Variants in HNRNPH1 observed in about 807,000 individuals in gnomAD.
HNRNPH1 encodes heterogeneous nuclear ribonucleoprotein H1.
In HNRNPH1, 4 loss-of-function variants were observed where a neutral mutation model predicts 58.6. That is an observed-to-expected ratio of 0.07 (90% confidence interval 0.03 to 0.16). HNRNPH1 has a LOEUF of 0.16. Ranked by LOEUF, HNRNPH1 falls within the 10% of genes least tolerant of loss-of-function variation. The pLI is 1.00. For synonymous variants in HNRNPH1, 192 were observed against 189.2 expected, an observed-to-expected ratio of 1.01 and a Z score of -0.12; for missense variants, 271 against 564.2, an observed-to-expected ratio of 0.48 and a Z score of 5.26.
chr5:179,627,501 T>G (rs1774496714), upstream of HNRNPH1, among the ~76,000 whole-genome samples: 1 of 29,832 alleles, frequency 3.4e-5, no homozygotes, highest in Non-Finnish European at 8.4e-5. Context: ...CGGCCCTGAT[T>G]TATGCCTTTT....
chr5:179,621,194 T>C (rs771882405), intron 2 of HNRNPH1, 48 bp downstream of exon 3: 7 of 1,574,456 alleles, frequency 4.4e-6, no homozygotes, highest in Non-Finnish European at 1.7e-6. Context: ...GTGAGACCTC[T>C]ATTGTTTAAT....
In HNRNPH1 at chr5:179,618,125, C is replaced by A. The variant is rs1770678543; in HGVS notation, c.715+20G>T. 1.2e-6 allele frequency: 2 copies of A among 1,613,354 alleles called. No homozygotes were observed. Among genetic ancestry groups the A allele is most frequent in the East Asian group, 2.2e-5 (1 of 44,892 alleles). On this transcript the variant is annotated intron_variant, in intron 5 of 12. Transcript: ENST00000356731. The stretch of plus-strand genomic sequence containing the variant: ...ACAAAGGAACAGACGACTTGCCGAA[C>A]CTTACGAATCCTCACGTACCTCCAC...
intron 2 of HNRNPH1, among the ~76,000 whole-genome samples, chr5:179,630,637 C>G (rs1011963290): frequency 9.9e-5 from 15 of 151,788 alleles, no homozygotes; most frequent in Non-Finnish European, 1.6e-4. Context: ...TTCGGCCTGA[C>G]GCGGGGGCTC....
intron 1 of HNRNPH1, 120 bp downstream of exon 2, chr5:179,622,917 G>C (rs1298733491): frequency 6.8e-6 from 1 of 146,918 alleles, no homozygotes; most frequent in Non-Finnish European, 1.4e-5. Flanking sequence ...GGGCGCCCCG[G>C]GTCCCACCCG....
intron 3 of HNRNPH1, 71 bp downstream of exon 4, chr5:179,620,821 T>A: frequency 7.1e-7 from 1 of 1,404,750 alleles, no homozygotes; most frequent in Non-Finnish European, 1.0e-6. Context: ...TACTCAACTT[T>A]AACGTCTATT....
At chr5:179,615,928 A>G in intron 11 of HNRNPH1, 198 bp downstream of exon 12, 1 of 548,784 alleles carries the variant, frequency 1.8e-6, no homozygotes, top group Non-Finnish European at 3.3e-6. Flanking sequence ...TAGCTAGTAA[A>G]AACAGTTACA....
At chr5:179,622,782 A>T (rs1352793852) in intron 1 of HNRNPH1, 2 of 152,252 alleles carry the variant, frequency 1.3e-5, no homozygotes, top group Non-Finnish European at 2.9e-5. Flanking sequence ...AAAGTCTGCC[A>T]AACCTGCCGC....
chr5:179,617,415 AG>A, intron 8 of HNRNPH1, 98 bp downstream of exon 9: 1 of 1,343,704 alleles, frequency 7.4e-7, no homozygotes, highest in South Asian at 1.4e-5. Flanking sequence ...ATTACTGGAG[AG>A]GAAACTTCTC....
At chr5:179,631,215 G>A (rs1277493328) in intron 2 of HNRNPH1, among the ~76,000 whole-genome samples, 12 of 152,038 alleles carry the variant, frequency 7.9e-5, no homozygotes, top group African/African-American at 2.7e-4. Flanking sequence ...AAAGATATAC[G>A]TTACGGTATA....
chr5:179,624,494 T>C, exon 1 of HNRNPH1: 1 of 398,748 alleles, frequency 2.5e-6, no homozygotes, highest in Non-Finnish European at 4.4e-6. Flanking sequence ...GAGCGCGGGC[T>C]CCACGGGTGC....
rs768708191 is a variant in HNRNPH1 at position 179,616,228 on chromosome 5, TAAGAA to T, written c.1208-15_1208-11del. 1.2e-6 allele frequency: 2 copies of T among 1,607,922 alleles called. No homozygotes were observed. Among genetic ancestry groups the T allele is most frequent in the African/African-American group, 1.3e-5 (1 of 74,352 alleles). On this transcript the variant is annotated splice_polypyrimidine_tract_variant and intron_variant, in intron 10 of 12. Transcript: ENST00000356731. ...TAGCTGGACTGGTTTGCTGTTAAGTTAAGAAAACATTAGAACCTTTTTTCTTATGT... is the reference window on the plus strand; with the variant it reads ...TAGCTGGACTGGTTTGCTGTTAAGTTAACATTAGAACCTTTTTTCTTATGT...
At chr5:179,618,122 G>C (rs370275246) in intron 5 of HNRNPH1, 23 bp downstream of exon 6, 4 of 1,613,226 alleles carry the variant, frequency 2.5e-6, no homozygotes, top group Non-Finnish European at 3.4e-6. Flanking sequence ...ACGACTTGCC[G>C]AACCTTACGA....
In HNRNPH1 at chr5:179,618,527, A is replaced by AC. The variant is rs1770861714; in HGVS notation, c.537-205_537-204insG. The AC allele has an allele frequency of 6.9e-6, 3 of 434,024 alleles. 1 individual carries two copies. Among genetic ancestry groups the AC allele is most frequent in the South Asian group, 5.3e-5 (1 of 18,982 alleles). 26.9% of individuals were successfully genotyped at this position (434,024 alleles called of 1,614,324 possible). On this transcript the variant is annotated intron_variant, in intron 4 of 12. Transcript: ENST00000356731. Reference sequence around the variant, plus strand: ...AAGACAATGTAAACTTTATAGAAAAAAAAAAAAAACTCACTCCTCTGAGGC... The same window carrying AC: ...AAGACAATGTAAACTTTATAGAAAAACAAAAAAAAACTCACTCCTCTGAGGC...
chr5:179,616,615 C>A, intron 10 of HNRNPH1: 1 of 535,762 alleles, frequency 1.9e-6, no homozygotes, highest in East Asian at 3.1e-5. Context: ...AAACTTTATA[C>A]TTAGAAAATT....
chr5:179,620,735 G>A, intron 3 of HNRNPH1, 157 bp downstream of exon 4: 1 of 631,294 alleles, frequency 1.6e-6, no homozygotes, highest in Non-Finnish European at 2.8e-6. Context: ...TTTAAGATGG[G>A]CTTAAATTAT....
chr5:179,614,964 A>G lies in HNRNPH1; in HGVS notation c.*1-5T>C. 3 of 1,487,530 alleles carry G rather than the reference A, an allele frequency of 2.0e-6. No individual in the cohort carries two copies. Among genetic ancestry groups the G allele is most frequent in the South Asian group, 2.4e-5 (2 of 82,732 alleles). 92.1% of individuals were successfully genotyped at this position (1,487,530 alleles called of 1,614,324 possible). ...TGTTCACTGCTCCTTGGTTACCTGC[A>G]AAGAGATCAATTTGACAAGTTAGGA... is the stretch of plus-strand genomic sequence containing the variant. On this transcript the variant is annotated splice_region_variant and splice_polypyrimidine_tract_variant and intron_variant, in intron 12 of 12. Transcript: ENST00000356731.
exon 13 of HNRNPH1, chr5:179,614,831 G>A (rs536122560): frequency 3.2e-6 from 4 of 1,254,242 alleles, no homozygotes; most frequent in East Asian, 5.1e-5. Context: ...CAGTGATCAG[G>A]ATCGATCAAT....
chr5:179,627,033 G>A (rs868587927), upstream of HNRNPH1, among the ~76,000 whole-genome samples: 7 of 152,076 alleles, frequency 4.6e-5, no homozygotes, highest in Middle Eastern at 6.8e-3. Flanking sequence ...CGCCCACCTC[G>A]GGCTCCCAAA....
intron 2 of HNRNPH1, among the ~76,000 whole-genome samples, chr5:179,632,249 A>G (rs945723847): frequency 1.3e-5 from 2 of 151,554 alleles, no homozygotes; most frequent in Non-Finnish European, 2.9e-5. Flanking sequence ...CGGAGCTTGC[A>G]GTGAGCCAAG....
Sources: gnomAD v4.1 joint callset for allele counts (sites outside exome capture counted in the v4.1 genomes callset) on GRCh38, gnomAD v4.1.1 for gene constraint, MANE v1.5 for transcripts, NCBI Gene and HGNC (gene_info 2026-07-23, HGNC 2026-07-21) for gene names.